The following KRTAP10-10 variants were observed in gnomAD, a reference collection of about 807,000 sequenced individuals.
KRTAP10-10 encodes the protein keratin-associated protein 10-10.
For missense variants in KRTAP10-10, 324 were observed against 319.9 expected (o/e 1.01, Z -0.10); for synonymous variants, 139 against 137.6 (o/e 1.01, Z -0.07).
In KRTAP10-10 at chr21:44,637,656, G is replaced by A. The variant is rs782552725; in HGVS notation, c.239G>A (p.Cys80Tyr). The A allele has an allele frequency of 1.9e-5, 30 of 1,581,250 alleles. No homozygotes were observed. Among genetic ancestry groups the A allele is most frequent in the Non-Finnish European group, 2.2e-5 (25 of 1,162,132 alleles). Reference protein sequence around the residue: ...CTTPCYQQSSCQPDCCTSSPC... With the variant: ...CTTPCYQQSSYQPDCCTSSPC... ...ACCCCATGCTACCAGCAGTCTAGCT[G>A]CCAGCCGGATTGCTGCACCTCCTCC... Residue 80 changes from cysteine (C) to tyrosine (Y), a missense_variant, in exon 1 of 1, where the codon TGC becomes TAC. Transcript: ENST00000380095.
Position 44,638,102 on chromosome 21 carries a change from C to G in KRTAP10-10, c.685C>G (p.Leu229Val). 1 of 1,613,626 alleles carries G rather than the reference C, an allele frequency of 6.2e-7. No homozygotes were observed. The highest frequency in any genetic ancestry group is 8.5e-7 in the Non-Finnish European group (1 of 1,179,850). The change falls in exon 1 of 1, where the codon CTC (leucine) becomes GTC (valine). Residue 229 changes from leucine to valine, a missense_variant. Physicochemically the swap from Leu to Val is conservative, Grantham distance 32. Coordinates refer to ENST00000380095, the MANE Select transcript of KRTAP10-10 (RefSeq NM_181688.3). The part of the protein sequence containing the change: ...SCCRTASCVS[L>V]LCRPVCSRPA... Reference sequence around the variant, plus strand: ...CTGCCGCACGGCCTCCTGTGTTTCCCTCCTCTGCCGCCCCGTGTGCTCCCG... The same window carrying G: ...CTGCCGCACGGCCTCCTGTGTTTCCGTCCTCTGCCGCCCCGTGTGCTCCCG...
In KRTAP10-10 at chr21:44,638,245, C is replaced by T. The variant is rs2146222641; in HGVS notation, c.*72C>T. 6.5e-7 allele frequency: 1 copy of T among 1,540,682 alleles called. No homozygotes were observed. The highest frequency in any genetic ancestry group is 8.8e-7 in the Non-Finnish European group (1 of 1,141,586). On this transcript the variant is annotated 3_prime_UTR_variant, in exon 1 of 1. Transcript: ENST00000380095. ...CCCAGCTGCCCCAGCAAGCTCTGCC[C>T]TCTCTGGCTTTGACACCCTCAGAAG... is the stretch of plus-strand genomic sequence containing the variant.
rs1555937206 is a variant in KRTAP10-10 at position 44,637,680 on chromosome 21, C to A, written c.263C>A (p.Ser88Tyr). ...TGCCAGCCGGATTGCTGCACCTCCTCCCCCTGCCAGCAGGCCTGCTGTGTG... is the reference window on the plus strand; with the variant it reads ...TGCCAGCCGGATTGCTGCACCTCCTACCCCTGCCAGCAGGCCTGCTGTGTG... The part of the protein sequence containing the change: ...SSCQPDCCTS[S>Y]PCQQACCVPV... The change falls in exon 1 of 1, where the codon TCC becomes TAC. Residue 88 changes from serine to tyrosine, a missense_variant. Transcript: ENST00000380095. 1.3e-6 allele frequency: 2 copies of A among 1,543,330 alleles called. No individual in the cohort carries two copies. Among genetic ancestry groups the A allele is most frequent in the Admixed American group, 3.9e-5 (2 of 51,366 alleles).
In KRTAP10-10 at chr21:44,637,463, T is replaced by C; in HGVS notation, c.46T>C (p.Ser16Pro). The part of the protein sequence containing the change: ...MSICSSACTD[S>P]WRVVDCPESC... ...CATCTGCTCCAGCGCCTGCACTGAC[T>C]CTTGGCGGGTAGTCGACTGCCCAGA... Residue 16 changes from serine to proline, a missense_variant, in exon 1 of 1, where the codon TCT (serine) becomes CCT (proline). By Grantham distance (74) the Ser-to-Pro change is moderately conservative (BLOSUM62 -1). Transcript: ENST00000380095. 6.2e-7 allele frequency: 1 copy of C among 1,613,048 alleles called. No individual in the cohort carries two copies. Among genetic ancestry groups the C allele is most frequent in the Non-Finnish European group, 8.5e-7 (1 of 1,179,584 alleles).
At position 44,637,689 on chromosome 21, in the gene KRTAP10-10, A is replaced by G. The variant is rs1555937214; in HGVS notation, c.272A>G (p.Gln91Arg). ...QPDCCTSSPC[Q>R]QACCVPVCCV... ...GATTGCTGCACCTCCTCCCCCTGCC[A>G]GCAGGCCTGCTGTGTGCCTGTCTGC... Residue 91 changes from glutamine (Q) to arginine (R), a missense_variant, in exon 1 of 1, where the codon CAG (glutamine) becomes CGG (arginine). Gln to Arg is a conservative substitution (Grantham distance 43, BLOSUM62 1). Transcript: ENST00000380095. 7 of 1,339,746 alleles carry G rather than the reference A, an allele frequency of 5.2e-6. No individual in the cohort carries two copies. The highest frequency in any genetic ancestry group is 1.4e-5 in the South Asian group (1 of 72,470). The allele number at this position is 1,339,746 out of a possible 1,614,324, so 83.0% of individuals were successfully genotyped here.
At position 44,637,898 on chromosome 21, in the gene KRTAP10-10, T is replaced by G; in HGVS notation, c.481T>G (p.Cys161Gly). ...CSKSVCYVPV[C>G]SGASTSCCQQ... is the part of the protein sequence containing the mutation. Reference sequence around the variant, plus strand: ...TAAGTCCGTCTGCTATGTGCCTGTGTGCTCTGGGGCTTCCACTTCATGCTG... The same window carrying G: ...TAAGTCCGTCTGCTATGTGCCTGTGGGCTCTGGGGCTTCCACTTCATGCTG... Residue 161 changes from cysteine to glycine, a missense_variant, in exon 1 of 1, where the codon TGC (cysteine) becomes GGC (glycine). Transcript: ENST00000380095. 1 of 1,532,410 alleles carries G rather than the reference T, an allele frequency of 6.5e-7. No individual in the cohort carries two copies. The highest frequency in any genetic ancestry group is 8.9e-7 in the Non-Finnish European group (1 of 1,126,298). 94.9% of individuals were successfully genotyped at this position (1,532,410 alleles called of 1,614,324 possible). A position where few individuals can be genotyped will look rare whatever the true frequency, so the allele number is the denominator to read the frequency against.
Position 44,638,353 on chromosome 21 carries a change from TCC to T in KRTAP10-10, c.*184_*185del. ...TGGCTGCCTGTGGGACCCCAGCTAC[TCC>T]CCCAGACCCAAGTTCTGCAGAACTA... On this transcript the variant is annotated 3_prime_UTR_variant, in exon 1 of 1. Transcript: ENST00000380095. 2.8e-6 allele frequency: 1 copy of T among 361,042 alleles called. No homozygotes were observed. The highest frequency in any genetic ancestry group is 2.4e-5 in the African/African-American group (1 of 42,336). 22.4% of individuals were successfully genotyped at this position (361,042 alleles called of 1,614,324 possible).
rs781996914 is a variant in KRTAP10-10 at position 44,637,421 on chromosome 21, G to T, written c.4G>T (p.Ala2Ser). The T allele has an allele frequency of 1.1e-5, 18 of 1,601,820 alleles. No homozygotes were observed. The highest frequency in any genetic ancestry group is 1.5e-5 in the Non-Finnish European group (18 of 1,174,104). M[A>S]ASTMSICSSA... ...CTCACCGCCTCCCCACTCCAGCATGGCCGCCTCCACCATGTCCATCTGCTC... is the reference window on the plus strand; with the variant it reads ...CTCACCGCCTCCCCACTCCAGCATGTCCGCCTCCACCATGTCCATCTGCTC... Residue 2 changes from alanine to serine, a missense_variant, in exon 1 of 1, where the codon GCC becomes TCC. Ala to Ser is a moderately conservative substitution (Grantham distance 99). Coordinates refer to ENST00000380095, the MANE Select transcript of KRTAP10-10 (RefSeq NM_181688.3).
Position 44,637,730 on chromosome 21 carries a change from T to G in KRTAP10-10, c.313T>G (p.Cys105Gly). 8.2e-7 allele frequency: 1 copy of G among 1,226,584 alleles called. No individual in the cohort carries two copies. The highest frequency in any genetic ancestry group is 1.4e-5 in the South Asian group (1 of 70,516). 76.0% of individuals were successfully genotyped at this position (1,226,584 alleles called of 1,614,324 possible). Reference sequence around the variant, plus strand: ...GCCTGTCTGCTGTGTGCCCGTCTGCTGCGTGCCCGTCTGTAACAAGCCTGT... The same window carrying G: ...GCCTGTCTGCTGTGTGCCCGTCTGCGGCGTGCCCGTCTGTAACAAGCCTGT... ...CVPVCCVPVCCVPVCNKPVCF... is the reference protein window; with the variant it reads ...CVPVCCVPVCGVPVCNKPVCF... The change falls in exon 1 of 1, where the codon TGC becomes GGC. Residue 105 changes from cysteine to glycine, a missense_variant. Physicochemically the swap from Cys to Gly is radical, Grantham distance 159 (BLOSUM62 -3). Transcript: ENST00000380095.
Position 44,637,762 on chromosome 21 carries a change from C to T in KRTAP10-10, c.345C>T (p.Phe115=), listed in dbSNP as rs782326923. 5.4e-5 allele frequency: 73 copies of T among 1,355,384 alleles called. No individual in the cohort carries two copies. The highest frequency in any genetic ancestry group is 2.0e-4 in the South Asian group (15 of 73,926). The allele number at this position is 1,355,384 out of a possible 1,614,324, so 84.0% of individuals were successfully genotyped here. A position where few individuals can be genotyped will look rare whatever the true frequency, so the allele number is the denominator to read the frequency against. The change falls in exon 1 of 1, where the codon TTC becomes TTT. Residue 115 remains phenylalanine, a synonymous_variant. Coordinates refer to ENST00000380095, the MANE Select transcript of KRTAP10-10 (RefSeq NM_181688.3). ...CVPVCNKPVC[F]VPTCSESSPS... The stretch of plus-strand genomic sequence containing the variant: ...CCGTCTGTAACAAGCCTGTGTGCTT[C>T]GTGCCTACCTGCTCCGAGTCTTCCC...
chr21:44,637,487 G>C lies in KRTAP10-10; in HGVS notation c.70G>C (p.Glu24Gln). The change falls in exon 1 of 1, where the codon GAG becomes CAG. Residue 24 changes from glutamate to glutamine, a missense_variant. Glu to Gln is a conservative substitution (Grantham distance 29). Transcript: ENST00000380095. ...CTCTTGGCGGGTAGTCGACTGCCCA[G>C]AGAGCTGCTGCGAGCCCTGCTGCTG... ...TDSWRVVDCPESCCEPCCCAP... is the reference protein window; with the variant it reads ...TDSWRVVDCPQSCCEPCCCAP... 1 of 1,613,410 alleles carries C rather than the reference G, an allele frequency of 6.2e-7. No individual in the cohort carries two copies. The highest frequency in any genetic ancestry group is 8.5e-7 in the Non-Finnish European group (1 of 1,179,836).
At position 44,637,368 on chromosome 21, in the gene KRTAP10-10, C is replaced by T; in HGVS notation, c.-50C>T. On this transcript the variant is annotated 5_prime_UTR_variant, in exon 1 of 1. Coordinates refer to ENST00000380095, the MANE Select transcript of KRTAP10-10 (RefSeq NM_181688.3). The stretch of plus-strand genomic sequence containing the variant: ...AGGCTCACACACACACTCACTCACA[C>T]ACTCACTCACTCACACACCTCCCCC... The T allele has an allele frequency of 1.9e-6, 3 of 1,573,200 alleles. No homozygotes were observed. The highest frequency in any genetic ancestry group is 2.6e-6 in the Non-Finnish European group (3 of 1,159,296).
rs76468958 is a variant in KRTAP10-10, at chr21:44,637,426, C to A, written c.9C>A (p.Ala3=). The change falls in exon 1 of 1, where the codon GCC becomes GCA. Residue 3 remains alanine (A), a synonymous_variant. Coordinates refer to ENST00000380095, the MANE Select transcript of KRTAP10-10 (RefSeq NM_181688.3). ...CGCCTCCCCACTCCAGCATGGCCGCCTCCACCATGTCCATCTGCTCCAGCG... is the reference window on the plus strand; with the variant it reads ...CGCCTCCCCACTCCAGCATGGCCGCATCCACCATGTCCATCTGCTCCAGCG... MA[A]STMSICSSAC... 12,835 of 1,605,668 alleles carry A rather than the reference C, an allele frequency of 8.0e-3. 746 individuals carry two copies. The African/African-American group carries it at 0.14, about 17-fold the overall frequency.
chr21:44,638,338 T>A lies in KRTAP10-10; in HGVS notation c.*165T>A, dbSNP rs117595201. ...GTCCTTCCCAGATGATGGCTGCCTG[T>A]GGGACCCCAGCTACTCCCCCAGACC... On this transcript the variant is annotated 3_prime_UTR_variant, in exon 1 of 1. Coordinates refer to ENST00000380095, the MANE Select transcript of KRTAP10-10 (RefSeq NM_181688.3). 0.12 allele frequency: 34,347 copies of A among 289,394 alleles called. 12,928 individuals are homozygous for A. Among genetic ancestry groups the A allele is most frequent in the South Asian group, 0.35 (5,311 of 15,152 alleles). 17.9% of individuals were successfully genotyped at this position (289,394 alleles called of 1,614,324 possible).
At position 44,638,102 on chromosome 21, in the gene KRTAP10-10, C is replaced by T. The variant is rs1555937596; in HGVS notation, c.685C>T (p.Leu229Phe). Residue 229 changes from leucine (L) to phenylalanine (F), a missense_variant, in exon 1 of 1, where the codon CTC (leucine) becomes TTC (phenylalanine). Leu to Phe is a conservative substitution (Grantham distance 22). Coordinates refer to ENST00000380095, the MANE Select transcript of KRTAP10-10 (RefSeq NM_181688.3). ...SCCRTASCVS[L>F]LCRPVCSRPA... ...CTGCCGCACGGCCTCCTGTGTTTCC[C>T]TCCTCTGCCGCCCCGTGTGCTCCCG... is the stretch of plus-strand genomic sequence containing the variant. 6.2e-7 allele frequency: 1 copy of T among 1,613,508 alleles called. No individual in the cohort carries two copies. Among genetic ancestry groups the T allele is most frequent in the Non-Finnish European group, 8.5e-7 (1 of 1,179,858 alleles).
Position 44,637,606 on chromosome 21 carries a change from A to G in KRTAP10-10, c.189A>G (p.Gln63=). Reference sequence around the variant, plus strand: ...CGGCCTGTGAGCCCAGCGCCTGCCAATCAGGCTACACCAGCTCCTGCACAA... The same window carrying G: ...CGGCCTGTGAGCCCAGCGCCTGCCAGTCAGGCTACACCAGCTCCTGCACAA... ...CQTACEPSAC[Q]SGYTSSCTTP... is the part of the protein sequence containing the mutation. The change falls in exon 1 of 1, where the codon CAA becomes CAG. Residue 63 remains glutamine (Q), a synonymous_variant. Coordinates refer to ENST00000380095, the MANE Select transcript of KRTAP10-10 (RefSeq NM_181688.3). 6.2e-7 allele frequency: 1 copy of G among 1,613,760 alleles called. No homozygotes were observed. The highest frequency in any genetic ancestry group is 8.5e-7 in the Non-Finnish European group (1 of 1,179,880).
At position 44,638,233 on chromosome 21, in the gene KRTAP10-10, G is replaced by A; in HGVS notation, c.*60G>A. ...AGGGGCTGACCTCCCAGCTGCCCCA[G>A]CAAGCTCTGCCCTCTCTGGCTTTGA... On this transcript the variant is annotated 3_prime_UTR_variant, in exon 1 of 1. Transcript: ENST00000380095. 6.4e-7 allele frequency: 1 copy of A among 1,556,900 alleles called. No homozygotes were observed. Among genetic ancestry groups the A allele is most frequent in the Non-Finnish European group, 8.7e-7 (1 of 1,148,738 alleles).
Position 44,637,501 on chromosome 21 carries a change from G to C in KRTAP10-10, c.84G>C (p.Glu28Asp), listed in dbSNP as rs116673061. The change falls in exon 1 of 1, where the codon GAG becomes GAC. Residue 28 changes from glutamate (E) to aspartate (D), a missense_variant. Physicochemically the swap from Glu to Asp is conservative, Grantham distance 45 (BLOSUM62 2). Coordinates refer to ENST00000380095, the MANE Select transcript of KRTAP10-10 (RefSeq NM_181688.3). ...TCGACTGCCCAGAGAGCTGCTGCGA[G>C]CCCTGCTGCTGTGCCCCAGCCCCCA... The part of the protein sequence containing the change: ...RVVDCPESCC[E>D]PCCCAPAPSL... 0.31 allele frequency: 502,866 copies of C among 1,612,348 alleles called. 80,011 individuals carry two copies. The highest frequency in any genetic ancestry group is 0.4 in the South Asian group (36,585 of 90,886).
the KRTAP10-10 span, chr21:44,638,065 C>A: frequency 6.2e-7 from 1 of 1,613,308 alleles, no homozygotes; most frequent in East Asian, 2.2e-5. Context: ...CCTCCTCCTG[C>A]CAGCCCAGCT....
Sources: gnomAD v4.1 joint callset for allele counts on GRCh38, gnomAD v4.1.1 for gene constraint, MANE v1.5 for transcripts, NCBI Gene and HGNC (gene_info 2026-07-23, HGNC 2026-07-21) for gene names.